The following SMOC1 variants were observed in gnomAD, a reference collection of about 807,000 sequenced individuals.
The protein encoded by SMOC1 is SPARC-related modular calcium-binding protein 1.
A neutral mutation model predicts 56.3 loss-of-function variants in SMOC1; 22 were observed. That is an observed-to-expected ratio of 0.39 (90% CI 0.28 to 0.56). SMOC1 has a LOEUF of 0.56. Among genes scored for constraint, SMOC1 ranks in the 20% least tolerant of loss-of-function variants. SMOC1 has a pLI of 0.61. For synonymous variants in SMOC1, 193 were observed against 215.0 expected, an observed-to-expected ratio of 0.90 and a Z score of 0.89; for missense variants, 509 against 565.4, an observed-to-expected ratio of 0.90 and a Z score of 1.01.
At chr14:69,885,265 T>A in intron 1 of SMOC1, 1 of 926,986 alleles carries the variant, frequency 1.1e-6, no homozygotes, top group Non-Finnish European at 1.6e-6. Flanking sequence ...TCGAACAACT[T>A]CTTTTTTTTT....
intron 1 of SMOC1, among the ~76,000 whole-genome samples, chr14:69,932,307 G>C (rs1436794429): frequency 6.6e-6 from 1 of 152,222 alleles, no homozygotes; most frequent in African/African-American, 2.4e-5. Flanking sequence ...TAAACTTGCT[G>C]TTTTGCTGTA....
At chr14:69,881,424 C>T (rs1342943935) in intron 1 of SMOC1, among the ~76,000 whole-genome samples, 1 of 151,512 alleles carries the variant, frequency 6.6e-6, no homozygotes, top group East Asian at 2.0e-4. Flanking sequence ...AGTCTCAAGC[C>T]ATATGGCTCT....
chr14:69,941,741 A>G (rs1882573429), intron 1 of SMOC1, among the ~76,000 whole-genome samples: 1 of 152,224 alleles, frequency 6.6e-6, no homozygotes, highest in Admixed American at 6.5e-5. Flanking sequence ...ATGAAGGGTC[A>G]TTTCTAAACT....
chr14:69,892,004 T>C (rs540319615), intron 1 of SMOC1, among the ~76,000 whole-genome samples: 1 of 152,294 alleles, frequency 6.6e-6, no homozygotes, highest in African/African-American at 2.4e-5. Context: ...GGATGGTAAG[T>C]TTTTAAAAAA....
chr14:69,933,523 G>A (rs1044664798), intron 1 of SMOC1, among the ~76,000 whole-genome samples: 2 of 152,032 alleles, frequency 1.3e-5, no homozygotes, highest in Non-Finnish European at 2.9e-5. Context: ...AAATGTAAAA[G>A]ACATTTTTTT....
At chr14:69,959,080 AT>A (rs2139457641) in intron 3 of SMOC1, among the ~76,000 whole-genome samples, 1 of 152,172 alleles carries the variant, frequency 6.6e-6, no homozygotes, top group African/African-American at 2.4e-5. Flanking sequence ...AACCCTCTAG[AT>A]TTTTTTCCTT....
chr14:69,903,868 C>T (rs1017246209), intron 1 of SMOC1, among the ~76,000 whole-genome samples: 1 of 151,266 alleles, frequency 6.6e-6, no homozygotes, highest in Non-Finnish European at 1.5e-5. Context: ...TGCCAAATCC[C>T]CCTCTGCAAG....
In SMOC1 at chr14:69,896,532, A is replaced by G. The variant is rs78267603; in HGVS notation, c.99+16755A>G. On this transcript the variant is annotated intron_variant, in intron 1 of 11. Transcript: ENST00000361956. The stretch of plus-strand genomic sequence containing the variant: ...AAAATAATAGCTGTAACAAGAAAAT[A>G]TGAGAGATCCCTGTAAGAACCCAAA... Among the ~76,000 whole-genome samples, 745 of 152,368 alleles carry G rather than the reference A, an allele frequency of 4.9e-3. 7 individuals carry two copies. The highest frequency in any genetic ancestry group is 0.016 in the African/African-American group (671 of 41,588).
intron 1 of SMOC1, among the ~76,000 whole-genome samples, chr14:69,895,498 A>G (rs1884071247): frequency 6.6e-6 from 1 of 152,246 alleles, no homozygotes; most frequent in Non-Finnish European, 1.5e-5. Flanking sequence ...ATAGTTTCCT[A>G]GGTGGGTTTT....
intron 1 of SMOC1, among the ~76,000 whole-genome samples, chr14:69,926,660 G>A (rs753550665): frequency 2.6e-5 from 4 of 152,286 alleles, no homozygotes; most frequent in Non-Finnish European, 2.9e-5. Context: ...AAATTGCTGC[G>A]AAACCACGTT....
chr14:69,899,018 TC>T, intron 1 of SMOC1, among the ~76,000 whole-genome samples: 3 of 152,280 alleles, frequency 2.0e-5, no homozygotes, highest in Admixed American at 2.0e-4. Flanking sequence ...GCTGTGAACT[TC>T]GTAAGTGCTT....
intron 1 of SMOC1, among the ~76,000 whole-genome samples, chr14:69,905,724 G>T (rs1242764636): frequency 6.6e-6 from 1 of 152,200 alleles, no homozygotes; most frequent in African/African-American, 2.4e-5. Context: ...ATGGCAGCCA[G>T]TTGGATGTGG....
chr14:69,882,545 G>C (rs952765935), intron 1 of SMOC1, among the ~76,000 whole-genome samples: 1 of 152,228 alleles, frequency 6.6e-6, no homozygotes, highest in Non-Finnish European at 1.5e-5. Flanking sequence ...TCTCTCAACT[G>C]TGAGTGGTTG....
At chr14:69,956,931 G>A (rs1175559770) in intron 3 of SMOC1, among the ~76,000 whole-genome samples, 1 of 152,150 alleles carries the variant, frequency 6.6e-6, no homozygotes, top group Non-Finnish European at 1.5e-5. Flanking sequence ...CTCCCCAGGC[G>A]ATGCCAATGT....
intron 2 of SMOC1, 54 bp downstream of exon 2, chr14:69,952,357 C>T (rs1360632721): frequency 2.5e-6 from 4 of 1,605,244 alleles, no homozygotes; most frequent in Non-Finnish European, 2.6e-6. Flanking sequence ...CACCCCAGCT[C>T]CCTCACTATG....
chr14:70,018,091 G>T (rs1288507038), intron 10 of SMOC1, among the ~76,000 whole-genome samples: 1 of 152,162 alleles, frequency 6.6e-6, no homozygotes, highest in Non-Finnish European at 1.5e-5. Flanking sequence ...GTTGAGCAGA[G>T]CCCAGCTGGT....
chr14:69,955,616 G>A (rs1162145292), intron 3 of SMOC1, among the ~76,000 whole-genome samples: 1 of 152,030 alleles, frequency 6.6e-6, no homozygotes, highest in Admixed American at 6.5e-5. Flanking sequence ...TTATCATCAT[G>A]ATTATTCCCA....
At chr14:70,020,731 T>C (rs537769676) in intron 10 of SMOC1, among the ~76,000 whole-genome samples, 28 of 152,008 alleles carry the variant, frequency 1.8e-4, no homozygotes, top group Non-Finnish European at 3.7e-4. Context: ...AGTCAAAATG[T>C]TGTTCTTCTG....
At chr14:69,904,296 A>G (rs760989982) in intron 1 of SMOC1, among the ~76,000 whole-genome samples, 1 of 152,226 alleles carries the variant, frequency 6.6e-6, no homozygotes, top group African/African-American at 2.4e-5. Flanking sequence ...ACTTCTTCCC[A>G]CCTATGAGTG....
Sources: allele counts gnomAD v4.1 joint callset (sites outside exome capture counted in the v4.1 genomes callset), GRCh38; gene constraint gnomAD v4.1.1; transcripts MANE v1.5; gene names NCBI Gene and HGNC (gene_info 2026-07-23, HGNC 2026-07-21).